Variants in NRXN1 observed in about 807,000 individuals in gnomAD.
NRXN1 encodes the protein neurexin 1.
Under a neutral mutation model 150.9 loss-of-function variants are expected in NRXN1, and 39 were observed. The ratio of observed to expected loss-of-function variants is 0.26; its 90% CI spans 0.20 to 0.34. The LOEUF (loss-of-function observed/expected upper bound fraction) is 0.34. Ranked by LOEUF, NRXN1 falls within the 10% of genes least tolerant of loss-of-function variation. The probability of loss-of-function intolerance (pLI) is 1.00; values close to 1 mark genes in which losing one functional copy is unlikely to be tolerated. For synonymous variants in NRXN1, 924 were observed against 757.0 expected (o/e 1.22, Z -3.62); for missense variants, 1,815 against 1,949.9 (o/e 0.93, Z 1.30).
intron 8 of NRXN1, among the ~76,000 whole-genome samples, chr2:50,559,013 C>CA (rs1329374051): frequency 6.6e-6 from 1 of 152,078 alleles, no homozygotes; most frequent in Non-Finnish European, 1.5e-5. Flanking sequence ...ACCTGGGAGG[C>CA]AGACCTTGCA....
intron 5 of NRXN1, among the ~76,000 whole-genome samples, chr2:50,851,225 C>T (rs969468578): frequency 3.3e-5 from 5 of 152,144 alleles, no homozygotes; most frequent in African/African-American, 1.2e-4. Context: ...TTATTCCCCC[C>T]AAAAGTGGGG....
intron 5 of NRXN1, among the ~76,000 whole-genome samples, chr2:50,742,661 T>C (rs1402269436): frequency 1.3e-5 from 2 of 150,828 alleles, no homozygotes; most frequent in African/African-American, 2.4e-5. Flanking sequence ...TATAGGCAAA[T>C]TATTTAATTT....
intron 8 of NRXN1, among the ~76,000 whole-genome samples, chr2:50,582,104 T>C (rs773560548): frequency 1.3e-5 from 2 of 152,070 alleles, no homozygotes; most frequent in Non-Finnish European, 2.9e-5. Flanking sequence ...ACCGGGAAGA[T>C]TTGGTTGATC....
intron 17 of NRXN1, among the ~76,000 whole-genome samples, chr2:50,321,321 A>G (rs893677583): frequency 6.6e-6 from 1 of 152,206 alleles, no homozygotes; most frequent in Non-Finnish European, 1.5e-5. Context: ...AAATCTAAGA[A>G]ATCATAGAAC....
chr2:50,334,983 G>T (rs1048185867), intron 17 of NRXN1, among the ~76,000 whole-genome samples: 1 of 152,080 alleles, frequency 6.6e-6, no homozygotes, highest in Non-Finnish European at 1.5e-5. Flanking sequence ...TTCAGACTCC[G>T]GGAGAGAAAG....
At chr2:50,435,902 G>A (rs1021800652) in intron 17 of NRXN1, among the ~76,000 whole-genome samples, 1 of 151,920 alleles carries the variant, frequency 6.6e-6, no homozygotes, top group Non-Finnish European at 1.5e-5. Flanking sequence ...AAAACCCCGT[G>A]ACACACAATT....
rs1273726183 is a variant in NRXN1, at chr2:50,307,604, A to C, written c.3365-70634T>G. On this transcript the variant is annotated intron_variant, in intron 17 of 22. Transcript: ENST00000401669. ...CTCAAGCCCTGTTTAGACTCTAAAC[A>C]ATTTTATTTTTCCTTATATTAATAA... Among the ~76,000 whole-genome samples the C allele has an allele frequency of 2.0e-5, 3 of 152,206 alleles. 1 individual carries two copies. The highest frequency in any genetic ancestry group is 4.1e-4 in the South Asian group (2 of 4,830).
chr2:50,385,413 A>G (rs1020857555), intron 17 of NRXN1, among the ~76,000 whole-genome samples: 1 of 152,192 alleles, frequency 6.6e-6, no homozygotes, highest in Non-Finnish European at 1.5e-5. Flanking sequence ...TTAATTCAGT[A>G]CTGCCAGAAA....
intron 18 of NRXN1, among the ~76,000 whole-genome samples, chr2:50,093,343 T>C (rs978936839): frequency 2.6e-5 from 4 of 151,464 alleles, no homozygotes; most frequent in Non-Finnish European, 4.4e-5. Flanking sequence ...CAGCCAGAAG[T>C]GATGGCACAC....
intron 2 of NRXN1, among the ~76,000 whole-genome samples, chr2:50,932,468 T>C (rs1396020088): frequency 6.6e-6 from 1 of 152,084 alleles, no homozygotes; most frequent in East Asian, 1.9e-4. Context: ...ATCTTTTAAG[T>C]GGAGCATTTA....
chr2:49,978,144 G>C (rs1163711061), intron 21 of NRXN1, among the ~76,000 whole-genome samples: 1 of 152,142 alleles, frequency 6.6e-6, no homozygotes, highest in Non-Finnish European at 1.5e-5. Context: ...CCTGGTGACA[G>C]AGCGAGACTC....
intron 17 of NRXN1, among the ~76,000 whole-genome samples, chr2:50,453,364 G>A (rs947540398): frequency 1.3e-5 from 2 of 152,102 alleles, no homozygotes; most frequent in Non-Finnish European, 2.9e-5. Context: ...ACCACCGTTT[G>A]GGAATGACTA....
At chr2:50,678,632 T>C (rs1689891859) in intron 5 of NRXN1, among the ~76,000 whole-genome samples, 1 of 152,098 alleles carries the variant, frequency 6.6e-6, no homozygotes, top group Non-Finnish European at 1.5e-5. Context: ...ACAGCCTCCT[T>C]CTCCAGATCT....
intron 9 of NRXN1, chr2:50,548,024 G>A (rs2093532141): frequency 6.6e-6 from 1 of 152,110 alleles, no homozygotes; most frequent in Non-Finnish European, 1.5e-5. Flanking sequence ...TACACATAAA[G>A]GTGTTATTTC....
chr2:50,713,158 C>T (rs1695403695), intron 5 of NRXN1, among the ~76,000 whole-genome samples: 1 of 151,764 alleles, frequency 6.6e-6, no homozygotes, highest in African/African-American at 2.4e-5. Flanking sequence ...ACTAAAAATA[C>T]AAAAAATTAT....
At chr2:50,064,160 T>G (rs887922839) in intron 19 of NRXN1, among the ~76,000 whole-genome samples, 1 of 151,974 alleles carries the variant, frequency 6.6e-6, no homozygotes, top group African/African-American at 2.4e-5. Flanking sequence ...GTCTATTTAG[T>G]TTATTCAGTT....
At chr2:50,160,667 G>T (rs577286830) in intron 18 of NRXN1, among the ~76,000 whole-genome samples, 29 of 152,148 alleles carry the variant, frequency 1.9e-4, no homozygotes, top group African/African-American at 7.0e-4. Context: ...CTCAAAAAAA[G>T]ACTCAAGTGG....
At chr2:50,988,138 T>C (rs758512720) in intron 2 of NRXN1, among the ~76,000 whole-genome samples, 1 of 151,986 alleles carries the variant, frequency 6.6e-6, no homozygotes, top group Non-Finnish European at 1.5e-5. Flanking sequence ...ATAACTCCAA[T>C]GTTCAGCTGA....
intron 21 of NRXN1, among the ~76,000 whole-genome samples, chr2:50,031,107 CT>C (rs768538184): frequency 6.6e-6 from 1 of 151,984 alleles, no homozygotes; most frequent in East Asian, 1.9e-4. Flanking sequence ...TAAAGCACAC[CT>C]TTTGCACTAA....
Sources: gnomAD v4.1 joint callset for allele counts (sites outside exome capture counted in the v4.1 genomes callset) on GRCh38, gnomAD v4.1.1 for gene constraint, MANE v1.5 for transcripts, NCBI Gene and HGNC (gene_info 2026-07-23, HGNC 2026-07-21) for gene names.